TTLL5: variants seen among roughly 807,000 people sequenced by gnomAD.
The protein encoded by TTLL5 is tubulin tyrosine ligase like 5.
Under a neutral mutation model 168.4 loss-of-function variants are expected in TTLL5, and 132 were observed. The observed-to-expected ratio is 0.78, with a 90% CI of 0.68 to 0.91. The LOEUF (loss-of-function observed/expected upper bound fraction) is 0.91. Ranked by LOEUF, TTLL5 falls within the 40% of genes least tolerant of loss-of-function variation. The pLI, the probability that TTLL5 is intolerant of heterozygous loss-of-function variation, is 0.00. For missense variants in TTLL5, 1,545 were observed against 1,581.5 expected (o/e 0.98, Z 0.39); for synonymous variants, 546 against 558.6 (o/e 0.98, Z 0.32).
At chr14:75,869,348 C>T (rs1019436490) in intron 29 of TTLL5, among the ~76,000 whole-genome samples, 3 of 152,082 alleles carry the variant, frequency 2.0e-5, no homozygotes, top group African/African-American at 7.2e-5. Flanking sequence ...TCTAGACAGG[C>T]TTTGGAGTCA....
intron 28 of TTLL5, among the ~76,000 whole-genome samples, chr14:75,836,363 A>G (rs175893): frequency 0.16 from 24,251 of 151,066 alleles, 2,533 homozygotes; most frequent in East Asian, 0.32. Context: ...TGTGGAGATA[A>G]AGAGTAGAAT....
chr14:75,924,984 G>A (rs1162371788), intron 31 of TTLL5, among the ~76,000 whole-genome samples: 1 of 147,312 alleles, frequency 6.8e-6, no homozygotes, highest in Admixed American at 6.7e-5. Context: ...CCTCACTCCC[G>A]GACGGGGCGG....
At chr14:75,726,820 G>A (rs1278606973) in intron 12 of TTLL5, among the ~76,000 whole-genome samples, 1 of 152,174 alleles carries the variant, frequency 6.6e-6, no homozygotes, top group Non-Finnish European at 1.5e-5. Flanking sequence ...CTAACAGACA[G>A]CCACTGGAAG....
intron 31 of TTLL5, among the ~76,000 whole-genome samples, chr14:75,924,778 CG>C (rs2033954768): frequency 6.6e-6 from 1 of 152,034 alleles, no homozygotes; most frequent in Non-Finnish European, 1.5e-5. Flanking sequence ...CATCCCGGCC[CG>C]CTCTCAATGA....
intron 21 of TTLL5, among the ~76,000 whole-genome samples, chr14:75,774,638 C>A (rs1237486756): frequency 6.6e-6 from 1 of 152,110 alleles, no homozygotes; most frequent in Admixed American, 6.6e-5. Flanking sequence ...AAGCATTTGA[C>A]ATGGAACCCT....
intron 27 of TTLL5, among the ~76,000 whole-genome samples, chr14:75,807,238 G>A (rs899254239): frequency 2.6e-5 from 4 of 152,014 alleles, no homozygotes; most frequent in South Asian, 2.1e-4. Flanking sequence ...GCTTGAGCTC[G>A]GGAGTTCTAG....
chr14:75,895,365 G>A (rs1192233232), intron 30 of TTLL5, among the ~76,000 whole-genome samples: 1 of 152,068 alleles, frequency 6.6e-6, no homozygotes, highest in African/African-American at 2.4e-5. Context: ...ATGGACTCCT[G>A]CACTCAATGG....
rs530063824 is a variant in TTLL5 at position 75,738,139 on chromosome 14, ATCTT to A, written c.1281+2858_1281+2861del. ...CAGATGCTACCTTTGAAATACAAAC[ATCTT>A]TCTTTCTGAATGATCAGCATTTGCT... is the stretch of plus-strand genomic sequence containing the variant. On this transcript the variant is annotated intron_variant, in intron 15 of 31. Transcript: ENST00000298832. Among the ~76,000 whole-genome samples, 339 of 152,340 alleles carry A rather than the reference ATCTT, an allele frequency of 2.2e-3. 8 individuals are homozygous for A. The highest frequency in any genetic ancestry group is 7.8e-4 in the Non-Finnish European group (53 of 68,018).
rs1224204578 is a variant in TTLL5 at position 75,736,999 on chromosome 14, G to T, written c.1281+1710G>T. 2.0e-5 allele frequency among the ~76,000 whole-genome samples: 3 copies of T among 152,332 alleles called. No homozygotes were observed. The East Asian group carries it at 5.8e-4, about 29-fold the overall frequency. On this transcript the variant is annotated intron_variant, in intron 15 of 31. Coordinates refer to ENST00000298832, the MANE Select transcript of TTLL5 (RefSeq NM_015072.5). ...TGCAGTATCTGTGGCAAGAACCACA[G>T]AATTATGTATAAAGGATCATGAACA...
At position 75,798,174 on chromosome 14, in the gene TTLL5, G is replaced by T. The variant is rs181855544; in HGVS notation, c.3171+5074G>T. Among the ~76,000 whole-genome samples the T allele has an allele frequency of 2.0e-5, 3 of 152,098 alleles. No homozygotes were observed. The East Asian group carries it at 5.8e-4, about 29-fold the overall frequency. ...ATTTATTCCTGGTTTAATCTAGAAG[G>T]GTTGTATATTTCCAGGAATTTATCC... is the stretch of plus-strand genomic sequence containing the variant. On this transcript the variant is annotated intron_variant, in intron 27 of 31. Transcript: ENST00000298832.
At chr14:75,721,740 C>G (rs1481296748) in intron 12 of TTLL5, among the ~76,000 whole-genome samples, 1 of 152,132 alleles carries the variant, frequency 6.6e-6, no homozygotes, top group Non-Finnish European at 1.5e-5. Flanking sequence ...GACACAATGT[C>G]TGGCCCTTAC....
chr14:75,716,905 T>A (rs927943583), intron 9 of TTLL5, among the ~76,000 whole-genome samples: 6 of 152,222 alleles, frequency 3.9e-5, no homozygotes, highest in African/African-American at 7.2e-5. Context: ...CTCTTTTGCC[T>A]TCATTTCAAA....
At chr14:75,933,876 A>G (rs544585443) in intron 31 of TTLL5, among the ~76,000 whole-genome samples, 4 of 152,340 alleles carry the variant, frequency 2.6e-5, no homozygotes, top group African/African-American at 9.6e-5. Context: ...AGGTATTTGC[A>G]CACATAGAGG....
chr14:75,899,238 C>CTATGTG (rs1212949234), intron 30 of TTLL5, among the ~76,000 whole-genome samples: 5 of 152,212 alleles, frequency 3.3e-5, no homozygotes, highest in Non-Finnish European at 7.3e-5. Flanking sequence ...GACTTAAAGA[C>CTATGTG]AACCAAGGGA....
At chr14:75,761,923 T>C (rs1566592351) in intron 18 of TTLL5, among the ~76,000 whole-genome samples, 1 of 152,216 alleles carries the variant, frequency 6.6e-6, no homozygotes, top group African/African-American at 2.4e-5. Flanking sequence ...AATGTACTGA[T>C]GTCTCTAACT....
intron 30 of TTLL5, among the ~76,000 whole-genome samples, chr14:75,889,391 A>G (rs2032276555): frequency 6.6e-6 from 1 of 152,250 alleles, no homozygotes; most frequent in Non-Finnish European, 1.5e-5. Context: ...AGTTAATAAG[A>G]TTAAATCAAT....
rs190955442 is a variant in TTLL5 at position 75,889,138 on chromosome 14, A to G, written c.3740+6236A>G. On this transcript the variant is annotated intron_variant, in intron 30 of 31. Transcript: ENST00000298832. ...GGCCTGCAGTCAGGGAGGATTGCAC[A>G]GAGATGAGAACTACGTAAGTGAAAA... is the stretch of plus-strand genomic sequence containing the variant. Among the ~76,000 whole-genome samples, 197 of 152,350 alleles carry G rather than the reference A, an allele frequency of 1.3e-3. 1 individual carries two copies. The highest frequency in any genetic ancestry group is 1.5e-3 in the Non-Finnish European group (102 of 68,024).
At chr14:75,855,210 A>G (rs1897073176) in intron 28 of TTLL5, among the ~76,000 whole-genome samples, 1 of 152,148 alleles carries the variant, frequency 6.6e-6, no homozygotes, top group African/African-American at 2.4e-5. Context: ...CTTCAACAAC[A>G]AAAACAAAGC....
intron 7 of TTLL5, among the ~76,000 whole-genome samples, chr14:75,706,392 G>T (rs115491236): frequency 0.011 from 1,624 of 152,292 alleles, 20 homozygotes; most frequent in Middle Eastern, 0.017. Flanking sequence ...TATCCCCAGT[G>T]CCATATGCAG....
Sources: allele counts gnomAD v4.1 joint callset (sites outside exome capture counted in the v4.1 genomes callset), GRCh38; gene constraint gnomAD v4.1.1; transcripts MANE v1.5; gene names NCBI Gene and HGNC (gene_info 2026-07-23, HGNC 2026-07-21).